The following PTPRG variants were observed in gnomAD, a reference collection of about 807,000 sequenced individuals.
PTPRG encodes protein tyrosine phosphatase receptor type G.
PTPRG carries 102 observed loss-of-function variants against 165.3 expected under a neutral mutation model. The observed-to-expected ratio is 0.62, with a 90% CI of 0.53 to 0.73. The LOEUF (loss-of-function observed/expected upper bound fraction) is 0.73, where lower values mean the gene tolerates loss of function less well. Ranked by LOEUF, PTPRG falls within the 30% of genes least tolerant of loss-of-function variation. The pLI is 0.00. For missense variants in PTPRG, 1,866 were observed against 1,861.4 expected, an observed-to-expected ratio of 1.00 and a Z score of -0.05; for synonymous variants, 675 against 669.5, an observed-to-expected ratio of 1.01 and a Z score of -0.13.
intron 2 of PTPRG, among the ~76,000 whole-genome samples, chr3:61,870,767 A>C (rs1362080203): frequency 6.6e-6 from 1 of 151,904 alleles, no homozygotes; most frequent in Non-Finnish European, 1.5e-5. Context: ...ATAAATGGTA[A>C]AGTTCTATTG....
chr3:61,658,209 A>G (rs937632278), intron 1 of PTPRG, among the ~76,000 whole-genome samples: 1 of 152,214 alleles, frequency 6.6e-6, no homozygotes, highest in African/African-American at 2.4e-5. Context: ...TTGCCAGAAT[A>G]GGAATGTTCT....
chr3:61,891,875 A>G (rs1334262140), intron 2 of PTPRG, among the ~76,000 whole-genome samples: 1 of 151,628 alleles, frequency 6.6e-6, no homozygotes, highest in Non-Finnish European at 1.5e-5. Flanking sequence ...TATGAGAAAA[A>G]TGTTTGTGTG....
intron 5 of PTPRG, among the ~76,000 whole-genome samples, chr3:62,082,052 T>C (rs1195685974): frequency 6.6e-6 from 1 of 152,182 alleles, no homozygotes; most frequent in African/African-American, 2.4e-5. Flanking sequence ...GGCTATACTC[T>C]GACTTGGTGC....
At chr3:61,883,125 T>C (rs968063270) in intron 2 of PTPRG, among the ~76,000 whole-genome samples, 1 of 152,172 alleles carries the variant, frequency 6.6e-6, no homozygotes, top group Non-Finnish European at 1.5e-5. Context: ...GCCTCCAGGG[T>C]GTCTGTCCTT....
intron 2 of PTPRG, among the ~76,000 whole-genome samples, chr3:61,836,701 T>C (rs1294521349): frequency 6.6e-6 from 1 of 151,728 alleles, no homozygotes; most frequent in Non-Finnish European, 1.5e-5. Context: ...ATGGGTGAAG[T>C]TCTGTTTGAA....
chr3:61,823,892 C>T (rs759137081), intron 2 of PTPRG, among the ~76,000 whole-genome samples: 3 of 151,968 alleles, frequency 2.0e-5, no homozygotes, highest in East Asian at 1.9e-4. Flanking sequence ...TTTGGGAGGC[C>T]GAGGTGGGCA....
intron 1 of PTPRG, among the ~76,000 whole-genome samples, chr3:61,737,926 T>TTTAAGACTTTCTCTTAAAAAGACAGAGA: frequency 6.6e-6 from 1 of 150,950 alleles, no homozygotes; most frequent in Non-Finnish European, 1.5e-5. Context: ...TTTTTTTTTT[T>TTTAAGACTTTCTCTTAAAAAGACAGAGA]AAGACGGAGT....
intron 5 of PTPRG, among the ~76,000 whole-genome samples, chr3:62,131,635 A>G (rs569064618): frequency 6.6e-6 from 1 of 152,308 alleles, no homozygotes; most frequent in South Asian, 2.1e-4. Context: ...AGCAGGAGCT[A>G]TGCTGGCCGT....
intron 1 of PTPRG, among the ~76,000 whole-genome samples, chr3:61,684,899 C>T (rs1024253345): frequency 1.3e-5 from 2 of 151,994 alleles, no homozygotes; most frequent in Non-Finnish European, 2.9e-5. Flanking sequence ...TATCTGTCAC[C>T]AGAGACACCT....
chr3:61,883,472 G>A, intron 2 of PTPRG, among the ~76,000 whole-genome samples: 1 of 152,046 alleles, frequency 6.6e-6, no homozygotes, highest in East Asian at 1.9e-4. Context: ...AAAAATACCT[G>A]TAAAGTAAGA....
chr3:61,797,554 C>T (rs2035086023), intron 2 of PTPRG, among the ~76,000 whole-genome samples: 1 of 151,658 alleles, frequency 6.6e-6, no homozygotes, highest in Non-Finnish European at 1.5e-5. Flanking sequence ...TTGGTGTTGT[C>T]ACTAGCCTGG....
rs113266365 is a variant in PTPRG at position 61,861,382 on chromosome 3, G to C, written c.190+112400G>C. 1.7e-3 allele frequency among the ~76,000 whole-genome samples: 261 copies of C among 152,272 alleles called. 1 individual carries two copies. The highest frequency in any genetic ancestry group is 2.2e-3 in the Non-Finnish European group (150 of 68,018). ...GGGCCAAAAACAAAATCCCACGAAGGCATTGATCAAAGATATCATTGTAGG... is the reference window on the plus strand; with the variant it reads ...GGGCCAAAAACAAAATCCCACGAAGCCATTGATCAAAGATATCATTGTAGG... On this transcript the variant is annotated intron_variant, in intron 2 of 29. Transcript: ENST00000474889.
At chr3:61,659,368 G>A (rs1307160342) in intron 1 of PTPRG, 1 of 984,984 alleles carries the variant, frequency 1.0e-6, no homozygotes, top group East Asian at 1.1e-4. Context: ...GCTCTTGACT[G>A]ACTGCATTCT....
chr3:62,089,285 A>G (rs922282712), intron 5 of PTPRG, among the ~76,000 whole-genome samples: 3 of 152,158 alleles, frequency 2.0e-5, no homozygotes, highest in African/African-American at 4.8e-5. Context: ...ACATCCAACC[A>G]TTTTTACATG....
Position 62,048,615 on chromosome 3 carries a change from T to C in PTPRG, c.520-29548T>C, listed in dbSNP as rs187423825. ...CTCTTCTTACTACCTTTTTAATCTA[T>C]CTCCCAGTTGTTTTCAGTGCCTGGG... On this transcript the variant is annotated intron_variant, in intron 4 of 29. Transcript: ENST00000474889. Among the ~76,000 whole-genome samples, 414 of 152,322 alleles carry C rather than the reference T, an allele frequency of 2.7e-3. 2 individuals carry two copies. Among genetic ancestry groups the C allele is most frequent in the African/African-American group, 9.7e-3 (405 of 41,578 alleles).
At chr3:61,940,473 A>G (rs2039592904) in intron 2 of PTPRG, among the ~76,000 whole-genome samples, 1 of 151,822 alleles carries the variant, frequency 6.6e-6, no homozygotes, top group East Asian at 1.9e-4. Context: ...AAGTGCCAAG[A>G]TTTTTTTTCT....
intron 4 of PTPRG, among the ~76,000 whole-genome samples, chr3:62,007,847 T>TA (rs1361216487): frequency 6.6e-6 from 1 of 152,218 alleles, no homozygotes; most frequent in Non-Finnish European, 1.5e-5. Flanking sequence ...TGGTGTTTGT[T>TA]AAGTTTAAGG....
At chr3:61,940,969 GGT>G (rs139424833) in intron 2 of PTPRG, among the ~76,000 whole-genome samples, 62,323 of 151,818 alleles carry the variant, frequency 0.41, 13,814 homozygotes, top group Non-Finnish European at 0.5. Flanking sequence ...AAACCAATGT[GGT>G]CTGGTGGAAG....
At chr3:61,938,294 C>G (rs773518431) in intron 2 of PTPRG, among the ~76,000 whole-genome samples, 1 of 146,064 alleles carries the variant, frequency 6.8e-6, no homozygotes, top group African/African-American at 2.6e-5. Context: ...CCACATGATA[C>G]GGGTGTATAA....
Sources: allele counts gnomAD v4.1 joint callset (sites outside exome capture counted in the v4.1 genomes callset), GRCh38; gene constraint gnomAD v4.1.1; transcripts MANE v1.5; gene names NCBI Gene and HGNC (gene_info 2026-07-23, HGNC 2026-07-21).